NRXN3: variants seen among roughly 807,000 people sequenced by gnomAD.
NRXN3 encodes the protein neurexin III.
NRXN3 carries 32 observed loss-of-function variants against 137.6 expected under a neutral mutation model. The observed-to-expected ratio is 0.23, with a 90% CI of 0.18 to 0.31. NRXN3 has a LOEUF of 0.31. NRXN3 is among the 10% of genes least tolerant of loss of function. The probability of loss-of-function intolerance (pLI) is 1.00; values close to 1 mark genes in which losing one functional copy is unlikely to be tolerated. For missense variants in NRXN3, 1,574 were observed against 2,062.5 expected, an observed-to-expected ratio of 0.76 and a Z score of 4.59; for synonymous variants, 798 against 784.5, an observed-to-expected ratio of 1.02 and a Z score of -0.29.
intron 4 of NRXN3, among the ~76,000 whole-genome samples, chr14:78,323,469 C>T (rs1177750191): frequency 3.9e-5 from 6 of 151,956 alleles, no homozygotes; most frequent in African/African-American, 1.5e-4. Flanking sequence ...CCGTGCCTGC[C>T]CCAGGTTTGT....
At chr14:79,504,744 T>G (rs531439272) in intron 16 of NRXN3, among the ~76,000 whole-genome samples, 175 of 149,852 alleles carry the variant, frequency 1.2e-3, no homozygotes, top group Non-Finnish European at 2.0e-3. Context: ...ATGGTTTATT[T>G]GGGTTTATAA....
At chr14:79,043,814 C>T (rs143628915) in intron 15 of NRXN3, among the ~76,000 whole-genome samples, 91 of 152,214 alleles carry the variant, frequency 6.0e-4, no homozygotes, top group Admixed American at 1.2e-3. Flanking sequence ...AGAGAGACAT[C>T]GCTGAGAGAA....
At chr14:78,741,746 C>T (rs1321179077) in intron 8 of NRXN3, among the ~76,000 whole-genome samples, 2 of 152,130 alleles carry the variant, frequency 1.3e-5, no homozygotes, top group East Asian at 1.9e-4. Flanking sequence ...AGGCCACTAT[C>T]GTGTACAGTG....
At chr14:78,253,702 G>A (rs1207237213) in intron 2 of NRXN3, among the ~76,000 whole-genome samples, 1 of 151,976 alleles carries the variant, frequency 6.6e-6, no homozygotes, top group Non-Finnish European at 1.5e-5. Context: ...ACCAATCATG[G>A]GATAATAAGT....
At chr14:79,307,453 C>G (rs537813328) in intron 15 of NRXN3, among the ~76,000 whole-genome samples, 10 of 152,162 alleles carry the variant, frequency 6.6e-5, no homozygotes, top group African/African-American at 2.4e-4. Context: ...TGAAAACTTA[C>G]CCCAAAACTT....
intron 19 of NRXN3, among the ~76,000 whole-genome samples, chr14:79,802,987 C>T (rs1351343359): frequency 6.6e-6 from 1 of 152,018 alleles, no homozygotes; most frequent in Non-Finnish European, 1.5e-5. Flanking sequence ...ACCATCGCAC[C>T]CATTTACCTA....
intron 15 of NRXN3, among the ~76,000 whole-genome samples, chr14:79,399,235 C>T (rs2095119823): frequency 6.6e-6 from 1 of 152,112 alleles, no homozygotes; most frequent in African/African-American, 2.4e-5. Flanking sequence ...AGTTCCCACA[C>T]TCTTACATAG....
chr14:78,206,196 A>G (rs979369009), intron 1 of NRXN3, among the ~76,000 whole-genome samples: 6 of 152,188 alleles, frequency 3.9e-5, no homozygotes, highest in Non-Finnish European at 8.8e-5. Flanking sequence ...CTCTGACACC[A>G]TGGAGGAGTT....
At chr14:79,318,741 A>G (rs1432586769) in intron 15 of NRXN3, among the ~76,000 whole-genome samples, 1 of 152,142 alleles carries the variant, frequency 6.6e-6, no homozygotes, top group Non-Finnish European at 1.5e-5. Context: ...TCAGTTTTGA[A>G]TAATCACTGG....
At chr14:79,813,068 A>G (rs555457687) in intron 20 of NRXN3, among the ~76,000 whole-genome samples, 2 of 152,356 alleles carry the variant, frequency 1.3e-5, no homozygotes, top group East Asian at 3.9e-4. Context: ...TAGACACAGT[A>G]TAAGTGATAT....
intron 19 of NRXN3, among the ~76,000 whole-genome samples, chr14:79,740,913 A>G (rs4903875): frequency 0.33 from 48,775 of 149,964 alleles, 8,546 homozygotes; most frequent in Middle Eastern, 0.43. Context: ...CATACTGACT[A>G]ATGCTTTTTA....
chr14:79,466,522 A>G (rs1345427064), intron 15 of NRXN3, among the ~76,000 whole-genome samples: 2 of 152,190 alleles, frequency 1.3e-5, no homozygotes, highest in Non-Finnish European at 2.9e-5. Context: ...CAGGAGGCAA[A>G]GGGTGCAGTG....
intron 15 of NRXN3, among the ~76,000 whole-genome samples, chr14:79,359,401 G>A (rs191873982): frequency 2.6e-5 from 4 of 152,076 alleles, no homozygotes; most frequent in South Asian, 2.1e-4. Context: ...TAGATGCAAC[G>A]CATTTTAGAG....
At chr14:78,828,066 C>A (rs2098972020) in intron 10 of NRXN3, among the ~76,000 whole-genome samples, 1 of 152,150 alleles carries the variant, frequency 6.6e-6, no homozygotes, top group Non-Finnish European at 1.5e-5. Context: ...TACCTGCAGG[C>A]AGCAACTGTT....
At chr14:79,705,577 C>A (rs1185691826) in intron 19 of NRXN3, among the ~76,000 whole-genome samples, 1 of 152,082 alleles carries the variant, frequency 6.6e-6, no homozygotes, top group East Asian at 1.9e-4. Context: ...AATCTTACAC[C>A]TTAAGCGAGT....
intron 15 of NRXN3, among the ~76,000 whole-genome samples, chr14:79,328,724 T>G (rs2091265126): frequency 6.6e-6 from 1 of 152,230 alleles, no homozygotes; most frequent in Non-Finnish European, 1.5e-5. Context: ...TTCTAATTCA[T>G]TTGCAGAATT....
chr14:78,601,751 GC>G (rs2097203872), intron 4 of NRXN3, among the ~76,000 whole-genome samples: 1 of 152,114 alleles, frequency 6.6e-6, no homozygotes, highest in Admixed American at 6.5e-5. Flanking sequence ...ACTGTGCCTG[GC>G]CTTGATTCTT....
At chr14:78,896,456 A>C (rs966069382) in intron 10 of NRXN3, among the ~76,000 whole-genome samples, 1 of 151,876 alleles carries the variant, frequency 6.6e-6, no homozygotes, top group African/African-American at 2.4e-5. Flanking sequence ...CACAGACACT[A>C]TCTTGAATGC....
chr14:78,924,640 CTT>C (rs1597435691), intron 10 of NRXN3, among the ~76,000 whole-genome samples: 1 of 152,082 alleles, frequency 6.6e-6, no homozygotes, highest in Non-Finnish European at 1.5e-5. Flanking sequence ...TCTTAAAAGT[CTT>C]TTCTAAAAAA....
Sources: gnomAD v4.1 joint callset for allele counts (sites outside exome capture counted in the v4.1 genomes callset) on GRCh38, gnomAD v4.1.1 for gene constraint, MANE v1.5 for transcripts, NCBI Gene and HGNC (gene_info 2026-07-23, HGNC 2026-07-21) for gene names.